The following ACOT9 variants were observed in gnomAD, a reference collection of about 807,000 sequenced individuals.
ACOT9 encodes acyl-coenzyme A thioesterase 9, mitochondrial.
In ACOT9, 34 loss-of-function variants were observed where a neutral mutation model predicts 39.7. The observed-to-expected ratio is 0.86, with a 90% confidence interval of 0.65 to 1.14. The LOEUF (loss-of-function observed/expected upper bound fraction) is 1.14, where lower values mean the gene tolerates loss of function less well. Among genes scored for constraint, ACOT9 ranks in the 50% most tolerant of loss-of-function variants. The pLI, the probability that ACOT9 is intolerant of heterozygous loss-of-function variation, is 0.00. For missense variants in ACOT9, 313 were observed against 344.1 expected (o/e 0.91, Z 0.71); for synonymous variants, 110 against 120.5 (o/e 0.91, Z 0.57).
chrX:23,709,264 G>A (rs1411917598), intron 9 of ACOT9, among the ~76,000 whole-genome samples: 1 of 111,191 alleles, frequency 9.0e-6, no homozygotes, highest in African/African-American at 3.3e-5. Context: ...GTGGTGGTAG[G>A]TGCCTGTAAT....
intron 6 of ACOT9, among the ~76,000 whole-genome samples, chrX:23,726,395 C>T (rs1217403228): frequency 2.7e-5 from 3 of 109,907 alleles, no homozygotes; most frequent in Non-Finnish European, 1.9e-5. Flanking sequence ...ATGGGCTGGA[C>T]GATATAAGAA....
intron 8 of ACOT9, among the ~76,000 whole-genome samples, chrX:23,715,360 G>A (rs1386954285): frequency 9.0e-6 from 1 of 111,057 alleles, no homozygotes; most frequent in African/African-American, 3.3e-5. Flanking sequence ...CATTCTTCAC[G>A]ACATTCCTCC....
Position 23,705,064 on chromosome X carries a change from C to G in ACOT9, c.1036G>C (p.Val346Leu). ...ACSFGGSRPFVVAVDDIMFQK... is the reference protein window; with the variant it reads ...ACSFGGSRPFLVAVDDIMFQK... ...AACATGATGTCATCTACTGCTACCA[C>G]AAACGGTCGAGAACCACTGTTGGGG... The change falls in exon 14 of 16, where the codon GTG becomes CTG. Residue 346 changes from valine (V) to leucine (L), a missense_variant. Coordinates refer to ENST00000379303, the MANE Select transcript of ACOT9 (RefSeq NM_001037171.2). The G allele has an allele frequency of 8.3e-7, 1 of 1,211,039 alleles. No individual in the cohort carries two copies. The highest frequency in any genetic ancestry group is 1.1e-6 in the Non-Finnish European group (1 of 895,205).
At chrX:23,727,980 A>G (rs1285879965) in intron 6 of ACOT9, among the ~76,000 whole-genome samples, 1 of 101,655 alleles carries the variant, frequency 9.8e-6, no homozygotes, top group Non-Finnish European at 2.0e-5. Context: ...GCCGGGCAAC[A>G]AGAGTGAGAC....
intron 8 of ACOT9, among the ~76,000 whole-genome samples, chrX:23,719,899 T>G (rs755168767): frequency 1.8e-5 from 2 of 109,898 alleles, no homozygotes; most frequent in Admixed American, 9.6e-5. Context: ...AGCAGTGGTG[T>G]GATCTCGGCT....
chrX:23,710,813 G>A (rs1281418091), intron 9 of ACOT9, among the ~76,000 whole-genome samples: 1 of 108,914 alleles, frequency 9.2e-6, no homozygotes, highest in African/African-American at 3.3e-5. Context: ...GGGGCAACAA[G>A]AGTAAAACTC....
At chrX:23,739,109 T>C (rs940769040) in intron 1 of ACOT9, among the ~76,000 whole-genome samples, 6 of 111,083 alleles carry the variant, frequency 5.4e-5, no homozygotes, top group African/African-American at 2.0e-4. Context: ...AATATGAAAA[T>C]TAGCTGGGCA....
At chrX:23,729,155 T>C (rs1320862724) in intron 6 of ACOT9, among the ~76,000 whole-genome samples, 1 of 111,239 alleles carries the variant, frequency 9.0e-6, no homozygotes, top group Non-Finnish European at 1.9e-5. Context: ...ATCATCGTCA[T>C]CCAGTAAGCA....
intron 8 of ACOT9, among the ~76,000 whole-genome samples, chrX:23,716,649 C>A (rs1227382775): frequency 9.0e-6 from 1 of 111,685 alleles, no homozygotes; most frequent in Non-Finnish European, 1.9e-5. Context: ...TAGGCTGGGG[C>A]TAGTTTATGA....
intron 6 of ACOT9, among the ~76,000 whole-genome samples, chrX:23,723,102 A>G (rs1929377459): frequency 9.0e-6 from 1 of 111,588 alleles, no homozygotes; most frequent in East Asian, 2.8e-4. Context: ...TTCAGGAAAG[A>G]GAAACAAAGC....
intron 10 of ACOT9, 131 bp downstream of exon 10, chrX:23,707,743 AAAC>A: frequency 2.2e-6 from 1 of 464,263 alleles, no homozygotes; most frequent in Non-Finnish European, 3.4e-6. Context: ...ATTTCAAAAA[AAAC>A]AAACAAAAAA....
chrX:23,729,150 C>T (rs1181515569), intron 6 of ACOT9, among the ~76,000 whole-genome samples: 3 of 111,343 alleles, frequency 2.7e-5, no homozygotes, highest in South Asian at 3.7e-4. Flanking sequence ...CAGACATCAT[C>T]GTCATCCAGT....
At chrX:23,737,639 T>A (rs1929986751) in intron 1 of ACOT9, among the ~76,000 whole-genome samples, 1 of 111,177 alleles carries the variant, frequency 9.0e-6, no homozygotes. Flanking sequence ...CACAGAAATA[T>A]GAGCACATAC....
chrX:23,728,019 G>A (rs1249015433), intron 6 of ACOT9, among the ~76,000 whole-genome samples: 1 of 107,147 alleles, frequency 9.3e-6, no homozygotes, highest in Non-Finnish European at 1.9e-5. Context: ...AAAAAGGCCA[G>A]GCACGGCGGC....
intron 8 of ACOT9, among the ~76,000 whole-genome samples, chrX:23,720,579 C>T (rs929409720): frequency 3.6e-5 from 4 of 111,430 alleles, no homozygotes; most frequent in African/African-American, 6.5e-5. Flanking sequence ...AGCCAAGGAA[C>T]GCTAGGGATT....
chrX:23,742,684 TTAAG>T (rs765514275), intron 1 of ACOT9, among the ~76,000 whole-genome samples: 2 of 111,248 alleles, frequency 1.8e-5, no homozygotes, highest in African/African-American at 3.3e-5. Context: ...TACAACAAAC[TTAAG>T]TAAGAGCCGA....
chrX:23,730,202 C>G (rs1929685271), intron 6 of ACOT9, among the ~76,000 whole-genome samples: 2 of 103,124 alleles, frequency 1.9e-5, no homozygotes, highest in Non-Finnish European at 1.9e-5. Flanking sequence ...TCAAGTGATT[C>G]TCTTGCCTCA....
intron 8 of ACOT9, among the ~76,000 whole-genome samples, chrX:23,715,230 G>A (rs752137758): frequency 8.9e-6 from 1 of 111,763 alleles, no homozygotes; most frequent in South Asian, 3.7e-4. Flanking sequence ...CAAATACTGT[G>A]CTCATACCTG....
At chrX:23,742,254 G>A (rs373335142) in intron 1 of ACOT9, among the ~76,000 whole-genome samples, 14 of 64,035 alleles carry the variant, frequency 2.2e-4, no homozygotes, top group African/African-American at 9.0e-4. Flanking sequence ...GAGAGAGAGA[G>A]AGATATCCAG....
Sources: gnomAD v4.1 joint callset for allele counts (sites outside exome capture counted in the v4.1 genomes callset) on GRCh38, gnomAD v4.1.1 for gene constraint, MANE v1.5 for transcripts, NCBI Gene and HGNC (gene_info 2026-07-23, HGNC 2026-07-21) for gene names.